The following CSMD1 variants were observed in gnomAD, a reference collection of about 807,000 sequenced individuals.
CSMD1 encodes CUB and Sushi multiple domains 1.
CSMD1 carries 213 observed loss-of-function variants against 417.5 expected under a neutral mutation model. The ratio of observed to expected loss-of-function variants is 0.51; its 90% confidence interval spans 0.46 to 0.57. CSMD1 has a LOEUF of 0.57. CSMD1 is among the 20% of genes least tolerant of loss of function. CSMD1 has a pLI of 0.00. For synonymous variants in CSMD1, 2,862 were observed against 1,736.8 expected, an observed-to-expected ratio of 1.65 and a Z score of -16.11; for missense variants, 6,923 against 4,529.7, an observed-to-expected ratio of 1.53 and a Z score of -15.17.
chr8:4,108,049 CAGAGACAGAG>C (rs1563133495), intron 3 of CSMD1, among the ~76,000 whole-genome samples: 77 of 2,228 alleles, frequency 0.035, no homozygotes, highest in African/African-American at 0.11. Flanking sequence ...GAAAGAGAGA[CAGAGACAGAG>C]ACAGAGACAG....
chr8:4,481,333 T>A (rs1355553267), intron 2 of CSMD1, among the ~76,000 whole-genome samples: 1 of 152,248 alleles, frequency 6.6e-6, no homozygotes, highest in South Asian at 2.1e-4. Context: ...TGCATTAAAG[T>A]CTATAGCTTA....
intron 5 of CSMD1, among the ~76,000 whole-genome samples, chr8:3,779,992 G>A (rs1258321506): frequency 6.6e-6 from 1 of 152,130 alleles, no homozygotes; most frequent in Non-Finnish European, 1.5e-5. Context: ...GAACTTCCAA[G>A]CTCCTTTTCC....
At chr8:4,940,006 G>A (rs1026872159) in intron 1 of CSMD1, among the ~76,000 whole-genome samples, 1 of 152,140 alleles carries the variant, frequency 6.6e-6, no homozygotes, top group East Asian at 1.9e-4. Context: ...GGGAAGATTG[G>A]GAAAACTGAA....
chr8:4,428,282 C>G (rs568343057), intron 2 of CSMD1, among the ~76,000 whole-genome samples: 1 of 152,192 alleles, frequency 6.6e-6, no homozygotes, highest in African/African-American at 2.4e-5. Context: ...ATCAGGACAG[C>G]TTGTACCAAG....
At chr8:3,861,252 C>T (rs903092676) in intron 5 of CSMD1, among the ~76,000 whole-genome samples, 10 of 152,198 alleles carry the variant, frequency 6.6e-5, no homozygotes, top group African/African-American at 2.2e-4. Context: ...CGGAGACCAA[C>T]GTACTATGTA....
At chr8:3,824,988 TA>T (rs1483219939) in intron 5 of CSMD1, among the ~76,000 whole-genome samples, 20 of 152,218 alleles carry the variant, frequency 1.3e-4, no homozygotes, top group Non-Finnish European at 1.5e-4. Flanking sequence ...CACATATTTT[TA>T]AAATTTTTAA....
chr8:4,536,985 T>C (rs1381574116), intron 2 of CSMD1, among the ~76,000 whole-genome samples: 1 of 152,184 alleles, frequency 6.6e-6, no homozygotes, highest in Non-Finnish European at 1.5e-5. Flanking sequence ...CATTTTCATT[T>C]CTCTTAACAT....
chr8:4,712,725 T>G (rs1808388755), intron 1 of CSMD1, among the ~76,000 whole-genome samples: 1 of 152,226 alleles, frequency 6.6e-6, no homozygotes, highest in African/African-American at 2.4e-5. Context: ...TCTCTCTTTT[T>G]TCACTTGTGA....
rs142876832 is a variant in CSMD1, at chr8:3,295,390, T to G, written c.3951-11044A>C. Among the ~76,000 whole-genome samples the G allele has an allele frequency of 7.4e-3, 1,123 of 152,288 alleles. 12 individuals carry two copies. The highest frequency in any genetic ancestry group is 0.012 in the Admixed American group (186 of 15,292). The stretch of plus-strand genomic sequence containing the variant: ...ATCCACCCGCCTCGGCCTCCCAAAG[T>G]GCTGGGATTAGAGGTGTGAGCCACT... On this transcript the variant is annotated intron_variant, in intron 25 of 69. Coordinates refer to ENST00000635120, the MANE Select transcript of CSMD1 (RefSeq NM_033225.6).
intron 2 of CSMD1, among the ~76,000 whole-genome samples, chr8:4,553,375 T>C (rs370292274): frequency 2.2e-4 from 33 of 152,112 alleles, no homozygotes; most frequent in African/African-American, 4.1e-4. Context: ...TAAACATTTA[T>C]AAGGCTTCAT....
intron 7 of CSMD1, among the ~76,000 whole-genome samples, chr8:3,693,067 G>A (rs560999331): frequency 9.2e-5 from 14 of 152,032 alleles, no homozygotes; most frequent in African/African-American, 3.4e-4. Context: ...GTAATAATCA[G>A]GAATACATTT....
intron 12 of CSMD1, among the ~76,000 whole-genome samples, chr8:3,419,798 A>G (rs1585137648): frequency 3.3e-5 from 5 of 152,356 alleles, no homozygotes; most frequent in Admixed American, 3.3e-4. Flanking sequence ...ACAGTTTTGC[A>G]TAAATTAATT....
intron 1 of CSMD1, among the ~76,000 whole-genome samples, chr8:4,921,207 G>C (rs1292499973): frequency 6.6e-6 from 1 of 152,116 alleles, no homozygotes; most frequent in African/African-American, 2.4e-5. Flanking sequence ...TGACTTGTTA[G>C]CTCCCTCTCA....
chr8:4,826,315 G>A (rs555448195), intron 1 of CSMD1, among the ~76,000 whole-genome samples: 1 of 151,998 alleles, frequency 6.6e-6, no homozygotes, highest in African/African-American at 2.4e-5. Context: ...ATATATGTGT[G>A]TGTGTGTATA....
intron 1 of CSMD1, among the ~76,000 whole-genome samples, chr8:4,886,122 C>G (rs183898171): frequency 6.6e-6 from 1 of 152,168 alleles, no homozygotes; most frequent in African/African-American, 2.4e-5. Context: ...TCCTGAGTAG[C>G]TGAGACCACA....
chr8:4,952,221 G>C (rs549919949), intron 1 of CSMD1, among the ~76,000 whole-genome samples: 55 of 152,044 alleles, frequency 3.6e-4, no homozygotes, highest in African/African-American at 1.2e-3. Context: ...AGCCATGTTT[G>C]CTCCGTGGAG....
At position 4,390,848 on chromosome 8, in the gene CSMD1, T is replaced by C. The variant is rs1421041276; in HGVS notation, c.415+29105A>G. Among the ~76,000 whole-genome samples, 5 of 152,072 alleles carry C rather than the reference T, an allele frequency of 3.3e-5. No individual in the cohort carries two copies. The South Asian group carries it at 6.2e-4, about 19-fold the overall frequency. On this transcript the variant is annotated intron_variant, in intron 3 of 69. Coordinates refer to ENST00000635120, the MANE Select transcript of CSMD1 (RefSeq NM_033225.6). ...GAGCCACCATGCCCGGCCAAAAGTATCCAATTTTAAGGTGTACCTCACATG... is the reference window on the plus strand; with the variant it reads ...GAGCCACCATGCCCGGCCAAAAGTACCCAATTTTAAGGTGTACCTCACATG...
At chr8:4,015,484 G>C (rs1014006718) in intron 4 of CSMD1, among the ~76,000 whole-genome samples, 2 of 151,862 alleles carry the variant, frequency 1.3e-5, no homozygotes, top group Admixed American at 6.6e-5. Context: ...AACAATTAAA[G>C]AAAACCACAG....
chr8:3,225,505 A>G (rs1798447689), intron 27 of CSMD1, among the ~76,000 whole-genome samples: 1 of 152,086 alleles, frequency 6.6e-6, no homozygotes, highest in African/African-American at 2.4e-5. Context: ...GAGCAGTACA[A>G]GCGTGGACCG....
Sources: gnomAD v4.1 joint callset for allele counts (sites outside exome capture counted in the v4.1 genomes callset) on GRCh38, gnomAD v4.1.1 for gene constraint, MANE v1.5 for transcripts, NCBI Gene and HGNC (gene_info 2026-07-23, HGNC 2026-07-21) for gene names.